Variants in PTK2B observed in about 807,000 individuals in gnomAD.
The protein encoded by PTK2B is protein tyrosine kinase 2 beta.
Under a neutral mutation model 142.9 loss-of-function variants are expected in PTK2B, and 71 were observed. That is an observed-to-expected ratio of 0.50 (90% CI 0.41 to 0.61). The LOEUF is 0.61. Ranked by LOEUF, PTK2B falls within the 20% of genes least tolerant of loss-of-function variation. The probability of loss-of-function intolerance (pLI) is 0.00; values close to 1 mark genes in which losing one functional copy is unlikely to be tolerated. For synonymous variants in PTK2B, 519 were observed against 503.4 expected (o/e 1.03, Z -0.42); for missense variants, 1,105 against 1,320.4 (o/e 0.84, Z 2.53).
chr8:27,360,006 C>T (rs1586157425), intron 1 of PTK2B, among the ~76,000 whole-genome samples: 1 of 152,184 alleles, frequency 6.6e-6, no homozygotes, highest in South Asian at 2.1e-4. Flanking sequence ...TAGATTTTTC[C>T]GGATATTTCT....
chr8:27,383,852 A>ATTTTTTTTTTTTTTTTTT lies in PTK2B; in HGVS notation c.-37-13683_-37-13682insTTTTTTTTTTTTTTTTTT, dbSNP rs749255419. ...AGGTGTGCACCACCACACCTGGCTA[A>ATTTTTTTTTTTTTTTTTT]TTTTTTTTTTTTTGAGACAGAGTTT... On this transcript the variant is annotated intron_variant, in intron 1 of 30. Transcript: ENST00000346049. Among the ~76,000 whole-genome samples the ATTTTTTTTTTTTTTTTTT allele has an allele frequency of 1.5e-3, 175 of 116,502 alleles. 12 individuals are homozygous for ATTTTTTTTTTTTTTTTTT. The highest frequency in any genetic ancestry group is 6.4e-3 in the Middle Eastern group (1 of 156). The allele number at this position is 116,502 out of a possible 152,430, so 76.4% of individuals were successfully genotyped here.
chr8:27,450,316 C>T (rs760678849), intron 24 of PTK2B, among the ~76,000 whole-genome samples: 1 of 152,164 alleles, frequency 6.6e-6, no homozygotes, highest in Non-Finnish European at 1.5e-5. Context: ...TGCTCTCCAA[C>T]TAAGCAAAGC....
intron 1 of PTK2B, among the ~76,000 whole-genome samples, chr8:27,381,070 T>C (rs1317749190): frequency 4.6e-5 from 7 of 152,206 alleles, no homozygotes; most frequent in Admixed American, 3.3e-4. Flanking sequence ...AATTTATGCA[T>C]AATAACTGTA....
chr8:27,439,209 A>G (rs1810994829), intron 19 of PTK2B, 78 bp downstream of exon 19: 1 of 1,564,166 alleles, frequency 6.4e-7, no homozygotes, highest in Non-Finnish European at 8.8e-7. Flanking sequence ...GGAAGTCTAC[A>G]GTTGGACAGC....
intron 1 of PTK2B, among the ~76,000 whole-genome samples, chr8:27,347,081 A>G (rs4534095): frequency 0.37 from 55,666 of 152,024 alleles, 11,665 homozygotes; most frequent in Non-Finnish European, 0.48. Flanking sequence ...TGCCATCTTA[A>G]AAAGTCATGG....
In PTK2B at chr8:27,385,000, G is replaced by A. The variant is rs111594145; in HGVS notation, c.-37-12548G>A. ...TATAGCCAGAATCTTCATCACTGCAGGGCATAGCGGTAAAGAGCCCACACC... is the reference window on the plus strand; with the variant it reads ...TATAGCCAGAATCTTCATCACTGCAAGGCATAGCGGTAAAGAGCCCACACC... On this transcript the variant is annotated intron_variant, in intron 1 of 30. Transcript: ENST00000346049. 5.3e-5 allele frequency among the ~76,000 whole-genome samples: 8 copies of A among 152,248 alleles called. 1 individual carries two copies. Among genetic ancestry groups the A allele is most frequent in the African/African-American group, 1.9e-4 (8 of 41,536 alleles).
intron 2 of PTK2B, among the ~76,000 whole-genome samples, chr8:27,399,999 G>T (rs1207886220): frequency 2.0e-5 from 3 of 152,154 alleles, no homozygotes; most frequent in African/African-American, 7.2e-5. Context: ...GTGGGTATTA[G>T]GTTATTACCC....
At chr8:27,311,128 G>T, upstream of PTK2B, 1 of 1,601,274 alleles carries the variant, frequency 6.2e-7, no homozygotes. Flanking sequence ...AGTTGTGGCC[G>T]CAGCGCAGAG....
intron 30 of PTK2B, among the ~76,000 whole-genome samples, chr8:27,458,026 A>T (rs1004135520): frequency 8.1e-5 from 12 of 149,056 alleles, no homozygotes; most frequent in Non-Finnish European, 1.6e-4. Context: ...AGAAAGTATG[A>T]GGTATGAGGG....
In PTK2B at chr8:27,435,791, G is replaced by GAGGT; in HGVS notation, c.1243+3_1243+6dup. 6.2e-7 allele frequency: 1 copy of GAGGT among 1,614,056 alleles called. No homozygotes were observed. ...CCCGACGAAACCCTGCGAAGGCCCG[G>GAGGT]AGGTAGGTTCTCGACCCCGCCACAG... On this transcript the variant is annotated frameshift_variant and splice_region_variant, in exon 14 of 31. Transcript: ENST00000346049. LOFTEE classifies it high-confidence loss of function.
intron 1 of PTK2B, among the ~76,000 whole-genome samples, chr8:27,344,894 C>T (rs1438178772): frequency 2.0e-5 from 3 of 147,230 alleles, no homozygotes; most frequent in Admixed American, 6.8e-5. Flanking sequence ...GGAGAGAGGC[C>T]GGGCATGGTG....
chr8:27,403,966 CTCTG>C lies in PTK2B; in HGVS notation c.204+6182_204+6185del, dbSNP rs145776308. ...TTCCTCCTACTTCTCCTCCTCCTCT[CTCTG>C]TCTATCTCTCCTTCCTTTCCCTCTC... On this transcript the variant is annotated intron_variant, in intron 2 of 30. Coordinates refer to ENST00000346049, the MANE Select transcript of PTK2B (RefSeq NM_173176.3). Among the ~76,000 whole-genome samples the C allele has an allele frequency of 4.0e-3, 605 of 151,586 alleles. 8 individuals carry two copies. Among genetic ancestry groups the C allele is most frequent in the African/African-American group, 0.012 (507 of 41,248 alleles).
chr8:27,311,349 A>T (rs559384802), upstream of PTK2B: 39 of 1,294,044 alleles, frequency 3.0e-5, no homozygotes, highest in African/African-American at 5.5e-4. Context: ...TTCCCCTGGA[A>T]CGCTGAGAGA....
At chr8:27,377,214 C>T (rs1018064284) in intron 1 of PTK2B, among the ~76,000 whole-genome samples, 8 of 152,090 alleles carry the variant, frequency 5.3e-5, no homozygotes, top group African/African-American at 1.2e-4. Context: ...CCAAAAGGGG[C>T]GCCTGTCATT....
At chr8:27,357,770 A>T (rs1299804777) in intron 1 of PTK2B, among the ~76,000 whole-genome samples, 1 of 152,252 alleles carries the variant, frequency 6.6e-6, no homozygotes. Flanking sequence ...ACAGGCTTGG[A>T]ATTACAGCTG....
At chr8:27,437,606 G>A in intron 17 of PTK2B, 110 bp downstream of exon 17, 4 of 1,208,664 alleles carry the variant, frequency 3.3e-6, no homozygotes, top group Non-Finnish European at 4.7e-6. Flanking sequence ...AAATAAGCCA[G>A]AGGCCCTGTT....
intron 1 of PTK2B, among the ~76,000 whole-genome samples, chr8:27,395,067 C>CT (rs539635183): frequency 0.043 from 6,475 of 149,412 alleles, 194 homozygotes; most frequent in Admixed American, 0.082. Context: ...TTACAGTTAA[C>CT]TTTTTTTTTT....
At chr8:27,448,072 A>G (rs999981873) in intron 24 of PTK2B, among the ~76,000 whole-genome samples, 6 of 152,182 alleles carry the variant, frequency 3.9e-5, no homozygotes, top group African/African-American at 9.7e-5. Flanking sequence ...GAGGAGGACA[A>G]CCCTTTCCAG....
chr8:27,311,136 G>A, upstream of PTK2B: 1 of 1,603,600 alleles, frequency 6.2e-7, no homozygotes, highest in Non-Finnish European at 8.5e-7. Flanking sequence ...CCGCAGCGCA[G>A]AGTGACTGCG....
Sources: gnomAD v4.1 joint callset for allele counts (sites outside exome capture counted in the v4.1 genomes callset) on GRCh38, gnomAD v4.1.1 for gene constraint, MANE v1.5 for transcripts, NCBI Gene and HGNC (gene_info 2026-07-23, HGNC 2026-07-21) for gene names.